MAP3K13: variants seen among roughly 807,000 people sequenced by gnomAD.
MAP3K13 encodes the protein mitogen-activated protein kinase kinase kinase 13, also known as leucine zipper-bearing kinase.
In MAP3K13, 52 loss-of-function variants were observed where a neutral mutation model predicts 104.0. That is an observed-to-expected ratio of 0.50 (90% CI 0.40 to 0.63). MAP3K13 has a LOEUF of 0.63. MAP3K13 is among the 20% of genes least tolerant of loss of function. The pLI, the probability that MAP3K13 is intolerant of heterozygous loss-of-function variation, is 0.00. For synonymous variants in MAP3K13, 394 were observed against 442.2 expected (o/e 0.89, Z 1.37); for missense variants, 914 against 1,218.5 (o/e 0.75, Z 3.72).
chr3:185,296,090 A>T (rs1010318248), intron 2 of MAP3K13, among the ~76,000 whole-genome samples: 5 of 152,194 alleles, frequency 3.3e-5, no homozygotes, highest in Non-Finnish European at 5.9e-5. Flanking sequence ...AAAATAATTT[A>T]AAAATGAGCC....
rs1358789368 is a variant in MAP3K13 at position 185,447,944 on chromosome 3, T to C, written c.1007T>C (p.Ile336Thr). 1 of 1,605,832 alleles carries C rather than the reference T, an allele frequency of 6.2e-7. No individual in the cohort carries two copies. The highest frequency in any genetic ancestry group is 8.5e-7 in the Non-Finnish European group (1 of 1,175,970). ...RNEPVSEKVD[I>T]WSFGVVLWEL... ...GAACCTGTCTCTGAAAAAGTTGATATATGGTGAGTGGCGCCACCAGTTGTG... is the reference window on the plus strand; with the variant it reads ...GAACCTGTCTCTGAAAAAGTTGATACATGGTGAGTGGCGCCACCAGTTGTG... Residue 336 changes from isoleucine to threonine, a missense_variant, in exon 5 of 14, where the codon ATA becomes ACA. Coordinates refer to ENST00000265026, the MANE Select transcript of MAP3K13 (RefSeq NM_004721.5).
intron 1 of MAP3K13, among the ~76,000 whole-genome samples, chr3:185,407,869 ATTTTTTTTTTTTT>A (rs35693572): frequency 2.9e-5 from 2 of 69,118 alleles, no homozygotes; most frequent in African/African-American, 5.9e-5. Flanking sequence ...AATTTTGAGA[ATTTTTTTTTTTTT>A]TTTTTTTTTT....
chr3:185,456,596 C>CT (rs35547697), intron 7 of MAP3K13, among the ~76,000 whole-genome samples: 72,804 of 108,018 alleles, frequency 0.67, 27,223 homozygotes, highest in Non-Finnish European at 0.78. Flanking sequence ...TTTGCTTCTC[C>CT]TTTTTTTTTT....
chr3:185,426,891 G>T (rs187586383), intron 1 of MAP3K13, among the ~76,000 whole-genome samples: 2 of 152,220 alleles, frequency 1.3e-5, no homozygotes, highest in Admixed American at 1.3e-4. Flanking sequence ...TTACTTGATT[G>T]ATTATAAGCA....
At chr3:185,477,073 T>C in intron 11 of MAP3K13, 3 of 608,570 alleles carry the variant, frequency 4.9e-6, no homozygotes, top group Non-Finnish European at 6.2e-6. Flanking sequence ...CCATCACCTC[T>C]CTGAGGACAA....
intron 2 of MAP3K13, among the ~76,000 whole-genome samples, chr3:185,297,478 T>G (rs931387810): frequency 1.3e-5 from 2 of 152,308 alleles, no homozygotes; most frequent in South Asian, 4.1e-4. Context: ...CTCACACCTG[T>G]AATCCCAGCA....
chr3:185,385,278 G>C (rs1711619259), intron 1 of MAP3K13, among the ~76,000 whole-genome samples: 1 of 152,130 alleles, frequency 6.6e-6, no homozygotes, highest in Admixed American at 6.5e-5. Flanking sequence ...AGCCTCCCGA[G>C]TGGCTGGGAT....
chr3:185,340,456 C>T (rs1212528161), intron 2 of MAP3K13, among the ~76,000 whole-genome samples: 1 of 152,142 alleles, frequency 6.6e-6, no homozygotes, highest in Non-Finnish European at 1.5e-5. Context: ...GCTAAAGACG[C>T]ATCAGGAATG....
chr3:185,358,456 A>G (rs1184274350), upstream of MAP3K13, among the ~76,000 whole-genome samples: 1 of 152,212 alleles, frequency 6.6e-6, no homozygotes, highest in African/African-American at 2.4e-5. Flanking sequence ...CAAGACCACA[A>G]CACTCAATGA....
At chr3:185,462,409 G>A (rs933724622) in intron 7 of MAP3K13, among the ~76,000 whole-genome samples, 8 of 152,244 alleles carry the variant, frequency 5.3e-5, no homozygotes, top group African/African-American at 1.9e-4. Flanking sequence ...CCCCACCCCT[G>A]CTGCCTTGTG....
intron 13 of MAP3K13, 39 bp downstream of exon 13, chr3:185,480,568 T>G: frequency 6.3e-7 from 1 of 1,589,278 alleles, no homozygotes; most frequent in Non-Finnish European, 8.6e-7. Flanking sequence ...ACTGTTCCCT[T>G]TTTTGCTCTT....
intron 4 of MAP3K13, among the ~76,000 whole-genome samples, chr3:185,445,522 TG>T (rs1421364108): frequency 6.6e-6 from 1 of 152,224 alleles, no homozygotes. Context: ...CCTCTCTGAA[TG>T]GTCTCCTTTT....
chr3:185,481,751 G>C (rs1017260391), intron 13 of MAP3K13, among the ~76,000 whole-genome samples: 6 of 152,168 alleles, frequency 3.9e-5, no homozygotes, highest in African/African-American at 1.4e-4. Flanking sequence ...CTGTCTCATA[G>C]TGTTATCATG....
chr3:185,283,794 G>A (rs1162792172), intron 1 of MAP3K13, among the ~76,000 whole-genome samples: 1 of 152,122 alleles, frequency 6.6e-6, no homozygotes, highest in Non-Finnish European at 1.5e-5. Flanking sequence ...ATGATACCAG[G>A]GAGGAGTTGG....
intron 3 of MAP3K13, among the ~76,000 whole-genome samples, chr3:185,442,394 G>A (rs1715377390): frequency 6.6e-6 from 1 of 151,856 alleles, no homozygotes; most frequent in African/African-American, 2.4e-5. Flanking sequence ...CCTCAGTCTA[G>A]TTAGTTATTT....
At chr3:185,374,016 C>T (rs576223776) in intron 1 of MAP3K13, among the ~76,000 whole-genome samples, 1 of 141,412 alleles carries the variant, frequency 7.1e-6, no homozygotes, top group East Asian at 2.1e-4. Context: ...AGTACATTCT[C>T]AAAGGTGGGG....
rs536911376 is a variant in MAP3K13 at position 185,461,175 on chromosome 3, C to G, written c.1279-2375C>G. ...TACAGCTTAGATGCTGTCAAAGGCC[C>G]CTATCAAACAATGCAGTAGTGTATT... On this transcript the variant is annotated intron_variant, in intron 7 of 13. Coordinates refer to ENST00000265026, the MANE Select transcript of MAP3K13 (RefSeq NM_004721.5). Among the ~76,000 whole-genome samples, 4 of 152,278 alleles carry G rather than the reference C, an allele frequency of 2.6e-5. No individual in the cohort carries two copies. In the East Asian group the frequency reaches 7.7e-4, roughly 29 times the overall value.
chr3:185,355,622 G>A (rs1723321704), intron 2 of MAP3K13, among the ~76,000 whole-genome samples: 3 of 152,144 alleles, frequency 2.0e-5, no homozygotes, highest in African/African-American at 4.8e-5. Flanking sequence ...ACGACAGAGT[G>A]AGACTCCGTC....
chr3:185,438,984 A>G (rs1057123871), intron 3 of MAP3K13, among the ~76,000 whole-genome samples: 12 of 152,246 alleles, frequency 7.9e-5, no homozygotes, highest in African/African-American at 2.9e-4. Flanking sequence ...TAGGATCAGA[A>G]TGGATCCTTC....
Sources: gnomAD v4.1 joint callset for allele counts (sites outside exome capture counted in the v4.1 genomes callset) on GRCh38, gnomAD v4.1.1 for gene constraint, MANE v1.5 for transcripts, NCBI Gene and HGNC (gene_info 2026-07-23, HGNC 2026-07-21) for gene names.